Variants in TCEA2 observed in about 807,000 individuals in gnomAD.
TCEA2 encodes transcription elongation factor A2, also known as transcription elongation factor A protein 2.
Under a neutral mutation model 40.8 loss-of-function variants are expected in TCEA2, and 21 were observed. That is an observed-to-expected ratio of 0.51 (90% CI 0.36 to 0.74). The LOEUF is 0.74. Among genes scored for constraint, TCEA2 ranks in the 30% least tolerant of loss-of-function variants. The probability of loss-of-function intolerance (pLI) is 0.00; values close to 1 mark genes in which losing one functional copy is unlikely to be tolerated. For synonymous variants in TCEA2, 165 were observed against 162.7 expected (o/e 1.01, Z -0.11); for missense variants, 326 against 426.5 (o/e 0.76, Z 2.08).
chr20:64,058,668 T>G (rs567646751), upstream of TCEA2, among the ~76,000 whole-genome samples: 1 of 152,244 alleles, frequency 6.6e-6, no homozygotes, highest in Non-Finnish European at 1.5e-5. This position sits in a 1 kb window ranked among gnomAD's most constrained non-coding sequence, Gnocchi z 6.7. Context: ...CACACAGTTA[T>G]GCAAATATTT....
intron 8 of TCEA2, 151 bp downstream of exon 8, chr20:64,070,786 A>G: frequency 4.3e-6 from 5 of 1,155,020 alleles, no homozygotes; most frequent in Non-Finnish European, 6.0e-6. Flanking sequence ...GGCCACCTTC[A>G]GGGACCACTC....
chr20:64,061,027 C>A (rs546174737), upstream of TCEA2, among the ~76,000 whole-genome samples: 117 of 150,614 alleles, frequency 7.8e-4, no homozygotes, highest in African/African-American at 2.7e-3. Context: ...TCTCAAACTC[C>A]TGAGCTCAGG....
intron 4 of TCEA2, among the ~76,000 whole-genome samples, chr20:64,068,922 TC>T (rs1261844260): frequency 1.3e-5 from 2 of 152,276 alleles, no homozygotes; most frequent in East Asian, 3.9e-4. Context: ...CCGCCTTGTC[TC>T]CCCCCAGACA....
intron 3 of TCEA2, among the ~76,000 whole-genome samples, chr20:64,067,674 G>C (rs182989931): frequency 9.9e-4 from 151 of 152,358 alleles, no homozygotes; most frequent in African/African-American, 3.5e-3. Context: ...CAGCCCTTGG[G>C]CCTGGCTCTG....
chr20:64,062,120 G>T (rs1000068550), upstream of TCEA2, among the ~76,000 whole-genome samples: 1 of 152,246 alleles, frequency 6.6e-6, no homozygotes, highest in East Asian at 1.9e-4. Flanking sequence ...GACAGCCCAA[G>T]AAATGCTCAG....
chr20:64,072,184 C>G lies in TCEA2; in HGVS notation c.*4C>G. The G allele has an allele frequency of 6.2e-7, 1 of 1,613,658 alleles. No individual in the cohort carries two copies. Among genetic ancestry groups the G allele is most frequent in the East Asian group, 2.2e-5 (1 of 44,870 alleles). On this transcript the variant is annotated 3_prime_UTR_variant, in exon 10 of 10. Transcript: ENST00000343484. Reference sequence around the variant, plus strand: ...CCCTTTCTCGCAGTTCTGCTGACCCCTCGTGTAGATGTGCTGCAGCCTTGG... The same window carrying G: ...CCCTTTCTCGCAGTTCTGCTGACCCGTCGTGTAGATGTGCTGCAGCCTTGG...
upstream of TCEA2, among the ~76,000 whole-genome samples, chr20:64,061,267 A>ATT (rs71197442): frequency 3.5e-5 from 5 of 144,508 alleles, no homozygotes; most frequent in African/African-American, 7.7e-5. Context: ...CGCCCGGCTA[A>ATT]TTTTTTTTTT....
At chr20:64,063,688 T>G in intron 1 of TCEA2, 4 of 424,452 alleles carry the variant, frequency 9.4e-6, no homozygotes, top group East Asian at 4.5e-5. Flanking sequence ...CTCCGCACCC[T>G]TCCCTGTCCC....
upstream of TCEA2, among the ~76,000 whole-genome samples, chr20:64,059,635 C>T (rs1223751341): frequency 6.6e-6 from 1 of 152,132 alleles, no homozygotes; most frequent in Non-Finnish European, 1.5e-5. Flanking sequence ...ACAGAGACCC[C>T]AGGGCCCCAG....
intron 5 of TCEA2, 61 bp downstream of exon 5, chr20:64,069,552 C>G: frequency 6.3e-7 from 1 of 1,585,892 alleles, no homozygotes; most frequent in Non-Finnish European, 8.6e-7. Context: ...GCCCGGGCCC[C>G]TGCCTGCCCG....
At chr20:64,067,425 T>G (rs973344403) in intron 3 of TCEA2, among the ~76,000 whole-genome samples, 2 of 152,034 alleles carry the variant, frequency 1.3e-5, no homozygotes, top group African/African-American at 4.8e-5. Context: ...CAGGGCCACC[T>G]CAGCTACTCA....
At chr20:64,063,096 G>C (rs2145451714), upstream of TCEA2, 1 of 288,104 alleles carries the variant, frequency 3.5e-6, no homozygotes, top group Non-Finnish European at 6.2e-6. Flanking sequence ...GTGGTCCAGA[G>C]CGCGGGCGCG....
At chr20:64,068,437 G>A (rs548948364) in intron 4 of TCEA2, among the ~76,000 whole-genome samples, 13 of 152,344 alleles carry the variant, frequency 8.5e-5, no homozygotes, top group Middle Eastern at 3.4e-3. Context: ...CCCCTGCTGG[G>A]TCTGGTTCTT....
upstream of TCEA2, among the ~76,000 whole-genome samples, chr20:64,061,822 G>A (rs59944054): frequency 0.22 from 33,033 of 152,028 alleles, 3,693 homozygotes; most frequent in African/African-American, 0.24. Flanking sequence ...TCCGCCTTCC[G>A]GGTTCCAGCA....
At chr20:64,065,026 G>A (rs1173687859) in intron 1 of TCEA2, among the ~76,000 whole-genome samples, 1 of 152,180 alleles carries the variant, frequency 6.6e-6, no homozygotes, top group Non-Finnish European at 1.5e-5. Context: ...AAGCCCCAGG[G>A]GAGAATGAGG....
At chr20:64,063,180 A>T (rs1418178412), upstream of TCEA2, 5 of 779,256 alleles carry the variant, frequency 6.4e-6, no homozygotes, top group African/African-American at 9.3e-5. Flanking sequence ...GAGGGTTTGA[A>T]CCGGGGGTCT....
intron 8 of TCEA2, among the ~76,000 whole-genome samples, chr20:64,070,906 C>T (rs1289318388): frequency 6.6e-6 from 1 of 152,204 alleles, no homozygotes; most frequent in Non-Finnish European, 1.5e-5. Context: ...CCAGCCTGAA[C>T]GGAGGGCCCT....
At chr20:64,069,738 G>A (rs781091260) in intron 5 of TCEA2, 27 bp from the exon 6 acceptor site, 2 of 1,600,550 alleles carry the variant, frequency 1.2e-6, no homozygotes, top group South Asian at 1.1e-5. Context: ...ACCAGTGGGG[G>A]AAGCTAGTCA....
chr20:64,069,339 A>C, intron 4 of TCEA2, 22 bp from the exon 5 acceptor site: 1 of 1,557,346 alleles, frequency 6.4e-7, no homozygotes, highest in Non-Finnish European at 8.7e-7. Flanking sequence ...GTCTGAACCC[A>C]GCTGGCCCTG....
Sources: allele counts gnomAD v4.1 joint callset (sites outside exome capture counted in the v4.1 genomes callset), GRCh38; gene constraint gnomAD v4.1.1; non-coding constraint Gnocchi (gnomAD v3.1); transcripts MANE v1.5; gene names NCBI Gene and HGNC (gene_info 2026-07-23, HGNC 2026-07-21).